WDR41: variants seen among roughly 807,000 people sequenced by gnomAD.
WDR41 encodes the protein WD repeat domain 41.
A neutral mutation model predicts 69.3 loss-of-function variants in WDR41; 63 were observed. The ratio of observed to expected loss-of-function variants is 0.91; its 90% CI spans 0.74 to 1.12. WDR41 has a LOEUF of 1.12. Among genes scored for constraint, WDR41 ranks in the 50% most tolerant of loss-of-function variants. The pLI is 0.00. For synonymous variants in WDR41, 185 were observed against 192.1 expected, an observed-to-expected ratio of 0.96 and a Z score of 0.31; for missense variants, 543 against 534.5, an observed-to-expected ratio of 1.02 and a Z score of -0.16.
At chr5:77,528,766 A>C (rs572511608) in intron 1 of WDR41, among the ~76,000 whole-genome samples, 19 of 151,782 alleles carry the variant, frequency 1.3e-4, no homozygotes, top group Admixed American at 3.9e-4. Context: ...GCATTAACAC[A>C]ATAAAAGAGA....
chr5:77,490,936 T>C (rs1454227107), intron 1 of WDR41, among the ~76,000 whole-genome samples: 1 of 152,172 alleles, frequency 6.6e-6, no homozygotes, highest in Non-Finnish European at 1.5e-5. Context: ...CTCTCAACAA[T>C]CCAATTTCTT....
intron 8 of WDR41, among the ~76,000 whole-genome samples, chr5:77,446,724 T>C (rs1036825264): frequency 3.3e-5 from 5 of 152,102 alleles, no homozygotes; most frequent in African/African-American, 1.2e-4. Context: ...GCTAGCCATA[T>C]GCAGAAAACA....
upstream of WDR41, chr5:77,492,423 A>G: frequency 1.7e-6 from 1 of 601,676 alleles, no homozygotes. Flanking sequence ...CCAGCCACGG[A>G]GGCTTAGTTT....
At chr5:77,532,791 G>A (rs11952222) in intron 1 of WDR41, among the ~76,000 whole-genome samples, 23,847 of 151,804 alleles carry the variant, frequency 0.16, 2,999 homozygotes, top group African/African-American at 0.33. Context: ...ATGAATTATT[G>A]GGTGGTAAAG....
intron 1 of WDR41, among the ~76,000 whole-genome samples, chr5:77,559,689 ATG>A (rs926171445): frequency 3.3e-5 from 5 of 151,040 alleles, no homozygotes; most frequent in African/African-American, 4.8e-5. Flanking sequence ...ATATAATGTT[ATG>A]TGTGTGTGTG....
At chr5:77,600,751 G>A (rs1744307943) in intron 1 of WDR41, among the ~76,000 whole-genome samples, 1 of 152,034 alleles carries the variant, frequency 6.6e-6, no homozygotes, top group African/African-American at 2.4e-5. Flanking sequence ...GCAGTGGCAG[G>A]TGCCTGTAAT....
chr5:77,557,436 T>C (rs59685793), intron 1 of WDR41, among the ~76,000 whole-genome samples: 1 of 152,200 alleles, frequency 6.6e-6, no homozygotes, highest in East Asian at 1.9e-4. Flanking sequence ...GACAGAAGAC[T>C]TGAGCAAGCA....
At chr5:77,538,390 T>C (rs1252200878) in intron 1 of WDR41, among the ~76,000 whole-genome samples, 2 of 152,230 alleles carry the variant, frequency 1.3e-5, no homozygotes, top group African/African-American at 4.8e-5. Context: ...CAAATGATCC[T>C]GTCACTCAGG....
chr5:77,586,685 T>A lies in WDR41; in HGVS notation c.42+33794A>T, dbSNP rs143427652. Among the ~76,000 whole-genome samples the A allele has an allele frequency of 3.8e-3, 576 of 151,660 alleles. 16 individuals carry two copies. The East Asian group carries it at 0.085, about 22-fold the overall frequency. The stretch of plus-strand genomic sequence containing the variant: ...TTTATATGATATTTTGAAACATGCA[T>A]GAAATCAAATTTTTTTTTTTTTACT... On this transcript the variant is annotated intron_variant, in intron 1 of 5. Transcript: ENST00000509971.
At chr5:77,460,597 T>C (rs893581844) in intron 4 of WDR41, among the ~76,000 whole-genome samples, 1 of 152,192 alleles carries the variant, frequency 6.6e-6, no homozygotes, top group African/African-American at 2.4e-5. Flanking sequence ...CAGAAGTGTT[T>C]CTGATTTTTT....
chr5:77,612,339 A>G (rs976879499), intron 1 of WDR41, among the ~76,000 whole-genome samples: 2 of 150,800 alleles, frequency 1.3e-5, no homozygotes, highest in Non-Finnish European at 2.9e-5. Flanking sequence ...AGACACAACC[A>G]AAAAAGAGAA....
At chr5:77,611,152 A>C (rs1744541253) in intron 1 of WDR41, among the ~76,000 whole-genome samples, 1 of 151,762 alleles carries the variant, frequency 6.6e-6, no homozygotes, top group African/African-American at 2.4e-5. Context: ...CCAGATTCAT[A>C]AAGCAAGTCC....
chr5:77,476,390 A>G (rs1800932277), intron 2 of WDR41, among the ~76,000 whole-genome samples: 2 of 151,776 alleles, frequency 1.3e-5, no homozygotes, highest in African/African-American at 4.8e-5. Flanking sequence ...CCAAAGTTGA[A>G]ATGAAGGAAA....
chr5:77,612,864 G>A (rs1468014339), intron 1 of WDR41, among the ~76,000 whole-genome samples: 1 of 151,760 alleles, frequency 6.6e-6, no homozygotes, highest in Admixed American at 6.6e-5. Flanking sequence ...GTCCCTGTTT[G>A]CAGATGACAT....
intron 1 of WDR41, among the ~76,000 whole-genome samples, chr5:77,607,110 C>A (rs1440722758): frequency 6.6e-6 from 1 of 151,878 alleles, no homozygotes; most frequent in Non-Finnish European, 1.5e-5. Context: ...GAGCAAAAAA[C>A]AATAAGGCTC....
chr5:77,583,981 T>G (rs7730133), intron 1 of WDR41, among the ~76,000 whole-genome samples: 15,982 of 152,172 alleles, frequency 0.11, 1,751 homozygotes, highest in East Asian at 0.26. Flanking sequence ...ATCATTAGAA[T>G]AAAAAACTAC....
At chr5:77,578,595 A>G (rs1402134107) in intron 1 of WDR41, among the ~76,000 whole-genome samples, 2 of 152,146 alleles carry the variant, frequency 1.3e-5, no homozygotes, top group Non-Finnish European at 2.9e-5. Flanking sequence ...AGCATAATTA[A>G]AGAAGTAAAG....
intron 1 of WDR41, among the ~76,000 whole-genome samples, chr5:77,501,408 AAG>A (rs1249683156): frequency 6.6e-6 from 1 of 152,230 alleles, no homozygotes; most frequent in Non-Finnish European, 1.5e-5. Flanking sequence ...GCAGCTCAGC[AAG>A]GCCTACTGCC....
chr5:77,493,365 A>G (rs940030576), upstream of WDR41, among the ~76,000 whole-genome samples: 1 of 152,206 alleles, frequency 6.6e-6, no homozygotes, highest in Non-Finnish European at 1.5e-5. Context: ...TAATTCAGCA[A>G]ACATGTATTG....
Sources: gnomAD v4.1 joint callset for allele counts (sites outside exome capture counted in the v4.1 genomes callset) on GRCh38, gnomAD v4.1.1 for gene constraint, MANE v1.5 for transcripts, NCBI Gene and HGNC (gene_info 2026-07-23, HGNC 2026-07-21) for gene names.